ITPR3: variants seen among roughly 807,000 people sequenced by gnomAD.
ITPR3 encodes inositol 1,4,5-trisphosphate-gated calcium channel ITPR3.
Under a neutral mutation model 293.2 loss-of-function variants are expected in ITPR3, and 173 were observed. The observed-to-expected ratio is 0.59, with a 90% CI of 0.52 to 0.67. The LOEUF (loss-of-function observed/expected upper bound fraction) is 0.67, where lower values mean the gene tolerates loss of function less well. ITPR3 is among the 30% of genes least tolerant of loss of function. The pLI, the probability that ITPR3 is intolerant of heterozygous loss-of-function variation, is 0.00. For synonymous variants in ITPR3, 1,295 were observed against 1,444.4 expected (o/e 0.90, Z 2.35); for missense variants, 2,796 against 3,592.1 (o/e 0.78, Z 5.66).
intron 1 of ITPR3, among the ~76,000 whole-genome samples, chr6:33,625,191 A>T (rs1763523484): frequency 6.6e-6 from 1 of 151,410 alleles, no homozygotes; most frequent in South Asian, 2.1e-4. Flanking sequence ...TTGGGTACAC[A>T]GGGTGGACCC....
Position 33,659,137 on chromosome 6 carries a change from C to T in ITPR3, c.627+18C>T. ...GCAAGGAGGTGAGGGGGTGGGGGGT[C>T]AGCCATGCAGTGCAGGGACGTCCAC... On this transcript the variant is annotated intron_variant, in intron 6 of 57. Coordinates refer to ENST00000605930, the MANE Select transcript of ITPR3 (RefSeq NM_002224.4). The T allele has an allele frequency of 1.9e-6, 3 of 1,608,544 alleles. No homozygotes were observed. The highest frequency in any genetic ancestry group is 2.6e-6 in the Non-Finnish European group (3 of 1,175,734).
intron 2 of ITPR3, among the ~76,000 whole-genome samples, chr6:33,652,888 A>T (rs1365629131): frequency 6.6e-6 from 1 of 151,694 alleles, no homozygotes; most frequent in African/African-American, 2.4e-5. Flanking sequence ...AGAGAAAAGA[A>T]AGGAAAGTAA....
rs200523487 is a variant in ITPR3, at chr6:33,665,110, G to A, written c.1306G>A (p.Val436Met). Residue 436 changes from valine (V) to methionine (M), a missense_variant, in exon 13 of 58, where the codon GTG (valine) becomes ATG (methionine). Around this residue, in one of 8 missense-constraint regions of ITPR3, gnomAD observed 955 missense variants for 1,180.8 expected, o/e 0.81. Coordinates refer to ENST00000605930, the MANE Select transcript of ITPR3 (RefSeq NM_002224.4). ...KEAFAIVSVPVSEIRDLDFAN... is the reference protein window; with the variant it reads ...KEAFAIVSVPMSEIRDLDFAN... ...GGCCTTTGCCATCGTGTCAGTGCCC[G>A]TGTCTGAGATCCGAGACCTGGACTT... The A allele has an allele frequency of 3.0e-5, 49 of 1,614,158 alleles. No individual in the cohort carries two copies. The Admixed American group carries it at 4.3e-4, about 14-fold the overall frequency.
At position 33,658,064 on chromosome 6, in the gene ITPR3, A is replaced by G; in HGVS notation, c.369+46A>G. Reference sequence around the variant, plus strand: ...TCCCGCCTGCCCCTCTCCCTGCCTAAGAGGCTGGGCTGGTGCTGGGTGAGG... The same window carrying G: ...TCCCGCCTGCCCCTCTCCCTGCCTAGGAGGCTGGGCTGGTGCTGGGTGAGG... On this transcript the variant is annotated intron_variant, in intron 4 of 57. Transcript: ENST00000605930. This position sits in a 1 kb window ranked among gnomAD's most constrained non-coding sequence, Gnocchi z 6.1. 6.5e-7 allele frequency: 1 copy of G among 1,528,176 alleles called. No homozygotes were observed. The highest frequency in any genetic ancestry group is 9.0e-7 in the Non-Finnish European group (1 of 1,107,138). The allele number at this position is 1,528,176 out of a possible 1,614,324, so 94.7% of individuals were successfully genotyped here.
rs1430728081 is a variant in ITPR3, at chr6:33,691,647, G to A, written c.7258G>A (p.Ala2420Thr). 1 of 1,613,938 alleles carries A rather than the reference G, an allele frequency of 6.2e-7. No homozygotes were observed. Among genetic ancestry groups the A allele is most frequent in the Non-Finnish European group, 8.5e-7 (1 of 1,179,990 alleles). Residue 2420 changes from alanine (A) to threonine (T), a missense_variant, in exon 53 of 58, where the codon GCA (alanine) becomes ACA (threonine). Transcript: ENST00000605930. The surrounding 1 kb of genome is among the most constrained non-coding windows in gnomAD (Gnocchi z 4.9). ...CCTGGGGATGCCACATGGAGCTGCT[G>A]CATTTGTGGACACCTGCAGTGGGGA... is the stretch of plus-strand genomic sequence containing the variant. ...SPLGMPHGAA[A>T]FVDTCSGDKM...
rs1232993099 is a variant in ITPR3, at chr6:33,690,946, G to A, written c.7062G>A (p.Thr2354=). 1.9e-6 allele frequency: 3 copies of A among 1,614,076 alleles called. No individual in the cohort carries two copies. The highest frequency in any genetic ancestry group is 2.5e-6 in the Non-Finnish European group (3 of 1,179,990). The part of the protein sequence containing the change: ...LLFDLIYREE[T]LFNVIKSVTR... ...TTGACCTCATCTACCGCGAGGAGAC[G>A]CTGTTCAACGTCATCAAGAGTGTGA... Residue 2354 remains threonine (T), a synonymous_variant, in exon 52 of 58, where the codon ACG becomes ACA. Coordinates refer to ENST00000605930, the MANE Select transcript of ITPR3 (RefSeq NM_002224.4).
At position 33,667,141 on chromosome 6, in the gene ITPR3, C is replaced by T; in HGVS notation, c.1564C>T (p.Leu522=). The change falls in exon 15 of 58, where the codon CTG becomes TTG. Residue 522 remains leucine (L), a synonymous_variant. Coordinates refer to ENST00000605930, the MANE Select transcript of ITPR3 (RefSeq NM_002224.4). The surrounding 1 kb of genome is among the most constrained non-coding windows in gnomAD (Gnocchi z 4.4). ...QNILKQVFGI[L]KAPFREKGGE... ...TGTATTCCCCCAGGTCTTTGGCATT[C>T]TGAAGGCCCCGTTCCGTGAGAAGGG... 2 of 1,614,006 alleles carry T rather than the reference C, an allele frequency of 1.2e-6. No homozygotes were observed. Among genetic ancestry groups the T allele is most frequent in the Non-Finnish European group, 1.7e-6 (2 of 1,179,908 alleles).
At chr6:33,644,193 GGA>G (rs1764014337) in intron 2 of ITPR3, among the ~76,000 whole-genome samples, 1 of 150,580 alleles carries the variant, frequency 6.6e-6, no homozygotes, top group Non-Finnish European at 1.5e-5. Flanking sequence ...CTGTCTCAGG[GGA>G]AAAAAAGAAA....
intron 2 of ITPR3, among the ~76,000 whole-genome samples, chr6:33,652,344 G>A (rs1764211207): frequency 1.3e-5 from 2 of 152,330 alleles, no homozygotes; most frequent in South Asian, 4.1e-4. Flanking sequence ...GTTAGGGGCT[G>A]GAGAAACAGT....
In ITPR3 at chr6:33,675,616, A is replaced by T; in HGVS notation, c.3117-75A>T. ...GGGTGGCGGAGAGTGTGCTTGTGCCAGGGCCCCTTACCCACCACGGACAGC... is the reference window on the plus strand; with the variant it reads ...GGGTGGCGGAGAGTGTGCTTGTGCCTGGGCCCCTTACCCACCACGGACAGC... On this transcript the variant is annotated intron_variant, in intron 24 of 57. Coordinates refer to ENST00000605930, the MANE Select transcript of ITPR3 (RefSeq NM_002224.4). The surrounding 1 kb of genome is among the most constrained non-coding windows in gnomAD (Gnocchi z 5.0). 6.8e-7 allele frequency: 1 copy of T among 1,477,984 alleles called. No individual in the cohort carries two copies. The highest frequency in any genetic ancestry group is 1.4e-5 in the South Asian group (1 of 72,952). The allele number at this position is 1,477,984 out of a possible 1,614,324, so 91.6% of individuals were successfully genotyped here.
intron 2 of ITPR3, among the ~76,000 whole-genome samples, chr6:33,650,117 T>C (rs1450868813): frequency 6.6e-6 from 1 of 152,226 alleles, no homozygotes; most frequent in African/African-American, 2.4e-5. Context: ...CTGCAACTCC[T>C]GTGTGGGCCC....
Position 33,695,079 on chromosome 6 carries a change from G to A in ITPR3, c.7941G>A (p.Lys2647=). The A allele has an allele frequency of 6.2e-7, 1 of 1,613,730 alleles. No individual in the cohort carries two copies. The highest frequency in any genetic ancestry group is 8.5e-7 in the Non-Finnish European group (1 of 1,179,996). The change falls in exon 57 of 58, where the codon AAG becomes AAA. Residue 2647 remains lysine, a synonymous_variant. Coordinates refer to ENST00000605930, the MANE Select transcript of ITPR3 (RefSeq NM_002224.4). ...TCACTGCCCAGCTCAACGAGCTCAA[G>A]GAGCAGGTGTGCACCCCGCCTGATC... ...SHLTAQLNEL[K]EQMTEQRKRR...
At position 33,692,622 on chromosome 6, in the gene ITPR3, G is replaced by A; in HGVS notation, c.7459-106G>A. On this transcript the variant is annotated intron_variant, in intron 54 of 57. Coordinates refer to ENST00000605930, the MANE Select transcript of ITPR3 (RefSeq NM_002224.4). This position sits in a 1 kb window ranked among gnomAD's most constrained non-coding sequence, Gnocchi z 4.2. Reference sequence around the variant, plus strand: ...CAGAGGCCCTCATTTCCTTCTGCTAGGGGCTGGGTCCTCAATATCACAGCC... The same window carrying A: ...CAGAGGCCCTCATTTCCTTCTGCTAAGGGCTGGGTCCTCAATATCACAGCC... 1 of 1,114,872 alleles carries A rather than the reference G, an allele frequency of 9.0e-7. No homozygotes were observed. The highest frequency in any genetic ancestry group is 1.5e-5 in the South Asian group (1 of 65,858). The allele number at this position is 1,114,872 out of a possible 1,614,324, so 69.1% of individuals were successfully genotyped here.
chr6:33,683,384 T>G lies in ITPR3; in HGVS notation c.4775T>G (p.Ile1592Ser). ...TANQWDYKNI[I>S]EKLQDIITAL... Reference sequence around the variant, plus strand: ...AACCAGTGGGACTACAAGAACATCATTGAGAAGCTGCAGGTGGGTGTGGGG... The same window carrying G: ...AACCAGTGGGACTACAAGAACATCAGTGAGAAGCTGCAGGTGGGTGTGGGG... The change falls in exon 35 of 58, where the codon ATT (isoleucine) becomes AGT (serine). Residue 1592 changes from isoleucine to serine, a missense_variant. Coordinates refer to ENST00000605930, the MANE Select transcript of ITPR3 (RefSeq NM_002224.4). The surrounding 1 kb of genome is among the most constrained non-coding windows in gnomAD (Gnocchi z 4.5). The G allele has an allele frequency of 6.3e-7, 1 of 1,575,218 alleles. No homozygotes were observed. The highest frequency in any genetic ancestry group is 1.3e-5 in the African/African-American group (1 of 74,454).
Position 33,692,930 on chromosome 6 carries a change from G to T in ITPR3, c.7624+37G>T. 6.2e-7 allele frequency: 1 copy of T among 1,604,130 alleles called. No individual in the cohort carries two copies. Among genetic ancestry groups the T allele is most frequent in the Non-Finnish European group, 8.5e-7 (1 of 1,173,322 alleles). ...TTCCTGCTCTGTGGAGGCCGCAGCGGGGCTGGAACGTCATCTGATGCCAGT... is the reference window on the plus strand; with the variant it reads ...TTCCTGCTCTGTGGAGGCCGCAGCGTGGCTGGAACGTCATCTGATGCCAGT... On this transcript the variant is annotated intron_variant, in intron 55 of 57. Transcript: ENST00000605930. The surrounding 1 kb of genome is among the most constrained non-coding windows in gnomAD (Gnocchi z 4.2).
chr6:33,683,112 A>G lies in ITPR3; in HGVS notation c.4598-95A>G, dbSNP rs1257957059. The G allele has an allele frequency of 3.2e-6, 3 of 937,216 alleles. No individual in the cohort carries two copies. Among genetic ancestry groups the G allele is most frequent in the Non-Finnish European group, 4.6e-6 (3 of 653,414 alleles). The allele number at this position is 937,216 out of a possible 1,614,324, so 58.1% of individuals were successfully genotyped here. On this transcript the variant is annotated intron_variant, in intron 34 of 57. Transcript: ENST00000605930. This position sits in a 1 kb window ranked among gnomAD's most constrained non-coding sequence, Gnocchi z 4.5. ...GTCTCCCAGACCCTTGGTCTAGTTCACTCTGTCTCCTGGTGTGGCAGCCCT... is the reference window on the plus strand; with the variant it reads ...GTCTCCCAGACCCTTGGTCTAGTTCGCTCTGTCTCCTGGTGTGGCAGCCCT...
chr6:33,649,292 C>T (rs1440572453), intron 2 of ITPR3, among the ~76,000 whole-genome samples: 2 of 152,190 alleles, frequency 1.3e-5, no homozygotes, highest in African/African-American at 4.8e-5. Context: ...ATGGTGCGAT[C>T]TCGGCTCACT....
chr6:33,688,067 A>G lies in ITPR3; in HGVS notation c.6275A>G (p.Asn2092Ser). The G allele has an allele frequency of 6.2e-7, 1 of 1,613,872 alleles. No individual in the cohort carries two copies. The highest frequency in any genetic ancestry group is 8.5e-7 in the Non-Finnish European group (1 of 1,179,828). ...CCTCCCCACCTCCAGCTCAGCCTCA[A>G]CAACAAGCAGCTGTCACAGATGCTC... ...AEGISSMLSL[N>S]NKQLSQMLKS... The change falls in exon 47 of 58, where the codon AAC becomes AGC. Residue 2092 changes from asparagine (N) to serine (S), a missense_variant. By Grantham distance (46) the Asn-to-Ser change is conservative. Around this residue, in one of 8 missense-constraint regions of ITPR3, gnomAD observed 568 missense variants for 796.1 expected, o/e 0.71. Coordinates refer to ENST00000605930, the MANE Select transcript of ITPR3 (RefSeq NM_002224.4).
In ITPR3 at chr6:33,659,249, G is replaced by A. The variant is rs1582127491; in HGVS notation, c.627+130G>A. On this transcript the variant is annotated intron_variant, in intron 6 of 57. Transcript: ENST00000605930. ...ACCTGCCGGACAAGCTGGGCCTCAC[G>A]GCTTCTGCATCCATTTCCCAACACT... 5 of 936,570 alleles carry A rather than the reference G, an allele frequency of 5.3e-6. No individual in the cohort carries two copies. In the South Asian group the frequency reaches 7.6e-5, roughly 14 times the overall value. 58.0% of individuals were successfully genotyped at this position (936,570 alleles called of 1,614,324 possible). A position where few individuals can be genotyped will look rare whatever the true frequency, so the allele number is the denominator to read the frequency against.
Sources: allele counts gnomAD v4.1 joint callset (sites outside exome capture counted in the v4.1 genomes callset), GRCh38; gene constraint gnomAD v4.1.1; regional missense constraint gnomAD v4.1.1; non-coding constraint Gnocchi (gnomAD v3.1); transcripts MANE v1.5; gene names NCBI Gene and HGNC (gene_info 2026-07-23, HGNC 2026-07-21).